The following FAM120C variants were observed in gnomAD, a reference collection of about 807,000 sequenced individuals.
FAM120C encodes constitutive coactivator of PPAR-gamma-like protein 2.
In FAM120C, 14 loss-of-function variants were observed where a neutral mutation model predicts 71.2. The observed-to-expected ratio is 0.20, with a 90% CI of 0.13 to 0.31. The LOEUF is 0.31. Among genes scored for constraint, FAM120C ranks in the 10% least tolerant of loss-of-function variants. FAM120C has a pLI of 1.00. For missense variants in FAM120C, 500 were observed against 879.0 expected (o/e 0.57, Z 5.45); for synonymous variants, 354 against 353.2 (o/e 1.00, Z -0.03).
At chrX:54,128,858 C>T (rs2067043199) in intron 9 of FAM120C, among the ~76,000 whole-genome samples, 1 of 111,206 alleles carries the variant, frequency 9.0e-6, no homozygotes, top group Admixed American at 9.5e-5. Flanking sequence ...TGAAAAGTCT[C>T]CCATGTCTAC....
chrX:54,111,966 C>G (rs1489060013), intron 10 of FAM120C, among the ~76,000 whole-genome samples: 1 of 112,164 alleles, frequency 8.9e-6, no homozygotes, highest in Non-Finnish European at 1.9e-5. Context: ...ATAGAGAACT[C>G]AGAAATAAAG....
intron 1 of FAM120C, among the ~76,000 whole-genome samples, chrX:54,176,468 T>C (rs1373990061): frequency 9.3e-6 from 1 of 107,575 alleles, no homozygotes; most frequent in Non-Finnish European, 1.9e-5. Context: ...TAATCTGTCA[T>C]AGGAGTAGAG....
intron 10 of FAM120C, among the ~76,000 whole-genome samples, chrX:54,093,766 C>G: frequency 8.9e-6 from 1 of 111,748 alleles, no homozygotes; most frequent in Middle Eastern, 4.6e-3. Context: ...GATGCTTCAT[C>G]ATGTGCGATT....
At chrX:54,100,479 C>A (rs1398516949) in intron 10 of FAM120C, among the ~76,000 whole-genome samples, 1 of 110,093 alleles carries the variant, frequency 9.1e-6, no homozygotes, top group African/African-American at 3.3e-5. Flanking sequence ...GGTGACAGAG[C>A]GAGACTCCAT....
At chrX:54,155,043 A>C (rs1479130582) in intron 3 of FAM120C, among the ~76,000 whole-genome samples, 1 of 110,712 alleles carries the variant, frequency 9.0e-6, no homozygotes, top group Non-Finnish European at 1.9e-5. Context: ...TCTACAAAAA[A>C]TACAAAAAAA....
At chrX:54,105,333 A>C (rs1391316761) in intron 10 of FAM120C, among the ~76,000 whole-genome samples, 1 of 111,838 alleles carries the variant, frequency 8.9e-6, no homozygotes, top group Non-Finnish European at 1.9e-5. Flanking sequence ...ATAGATGCAG[A>C]AAAGGCCTTC....
chrX:54,117,413 A>C (rs782253447), intron 9 of FAM120C, among the ~76,000 whole-genome samples: 10 of 90,781 alleles, frequency 1.1e-4, no homozygotes, highest in African/African-American at 3.8e-4. Flanking sequence ...ATAAAATAAA[A>C]TAAGGCCAGG....
intron 4 of FAM120C, among the ~76,000 whole-genome samples, chrX:54,138,210 G>A (rs1285626429): frequency 3.6e-5 from 4 of 111,602 alleles, no homozygotes; most frequent in Non-Finnish European, 7.5e-5. Flanking sequence ...ACACAAAAGA[G>A]TACACATAAA....
chrX:54,155,205 AAAAC>A (rs782445926), intron 3 of FAM120C, among the ~76,000 whole-genome samples: 1 of 111,560 alleles, frequency 9.0e-6, no homozygotes, highest in Non-Finnish European at 1.9e-5. Flanking sequence ...CCGTGTCTCA[AAAAC>A]AAACAAACAA....
intron 4 of FAM120C, among the ~76,000 whole-genome samples, chrX:54,137,280 G>A (rs1372511216): frequency 5.4e-5 from 6 of 111,195 alleles, no homozygotes; most frequent in Non-Finnish European, 1.1e-4. Context: ...GCTCAGGCTG[G>A]TTTTAAACTC....
rs1184754891 is a variant in FAM120C, at chrX:54,072,206, CTT to C, written c.*825_*826del. The C allele has an allele frequency of 9.9e-6, 1 of 101,476 alleles. No homozygotes were observed. Among genetic ancestry groups the C allele is most frequent in the Non-Finnish European group, 2.0e-5 (1 of 50,044 alleles). The allele number at this position is 101,476 out of a possible 1,213,427, so 8.4% of individuals were successfully genotyped here. On this transcript the variant is annotated 3_prime_UTR_variant, in exon 16 of 16. Transcript: ENST00000375180. Reference sequence around the variant, plus strand: ...ACACACACACACACACACACAGTCTCTTGAGTCCCTTTCGTACTCAAGTTCAT... The same window carrying C: ...ACACACACACACACACACACAGTCTCGAGTCCCTTTCGTACTCAAGTTCAT...
intron 4 of FAM120C, among the ~76,000 whole-genome samples, chrX:54,136,810 G>T (rs1008535948): frequency 9.0e-6 from 1 of 110,498 alleles, no homozygotes; most frequent in African/African-American, 3.3e-5. Flanking sequence ...ATTCTAAAAT[G>T]ATTACATGAT....
Position 54,183,160 on chromosome X carries a change from G to A in FAM120C, c.39C>T (p.Arg13=), listed in dbSNP as rs782648528. 9.4e-5 allele frequency: 107 copies of A among 1,144,233 alleles called. No individual in the cohort carries two copies. Among genetic ancestry groups the A allele is most frequent in the Non-Finnish European group, 1.2e-4 (106 of 863,814 alleles). The allele number at this position is 1,144,233 out of a possible 1,213,427, so 94.3% of individuals were successfully genotyped here. A position where few individuals can be genotyped will look rare whatever the true frequency, so the allele number is the denominator to read the frequency against. Residue 13 remains arginine (R), a synonymous_variant, in exon 1 of 16, where the codon CGC becomes CGT. Coordinates refer to ENST00000375180, the MANE Select transcript of FAM120C (RefSeq NM_017848.6). ...VQGFQEFLEK[R]CPGAVVPVDL... ...CCACGGGCACCACGGCCCCGGGACA[G>A]CGCTTCTCCAGGAACTCTTGGAAGC...
At position 54,071,702 on chromosome X, in the gene FAM120C, G is replaced by A. The variant is rs1557120050; in HGVS notation, c.*1331C>T. 3 of 111,658 alleles carry A rather than the reference G, an allele frequency of 2.7e-5. No individual in the cohort carries two copies. The Admixed American group carries it at 2.9e-4, about 11-fold the overall frequency. The allele number at this position is 111,658 out of a possible 1,213,427, so 9.2% of individuals were successfully genotyped here. ...CTGTTTTCACCATATGGGATGTGAG[G>A]GCTCTGTTCAAGATTAAGCTTGTAA... On this transcript the variant is annotated 3_prime_UTR_variant, in exon 16 of 16. Coordinates refer to ENST00000375180, the MANE Select transcript of FAM120C (RefSeq NM_017848.6).
intron 10 of FAM120C, among the ~76,000 whole-genome samples, chrX:54,091,976 G>A (rs969802411): frequency 1.8e-5 from 2 of 110,984 alleles, no homozygotes; most frequent in Admixed American, 1.9e-4. Flanking sequence ...TGGAAAGTGC[G>A]GTCATGAACC....
intron 1 of FAM120C, among the ~76,000 whole-genome samples, chrX:54,179,354 GA>G (rs2067335010): frequency 8.9e-6 from 1 of 111,942 alleles, no homozygotes; most frequent in Non-Finnish European, 1.9e-5. Context: ...CTAGCCTGAA[GA>G]ACAAAACCAA....
At chrX:54,141,387 A>G (rs1415095969) in intron 4 of FAM120C, among the ~76,000 whole-genome samples, 1 of 111,451 alleles carries the variant, frequency 9.0e-6, no homozygotes, top group African/African-American at 3.3e-5. Flanking sequence ...TAATGGACTA[A>G]AGAAGAAATA....
intron 10 of FAM120C, among the ~76,000 whole-genome samples, chrX:54,116,332 A>C (rs887894015): frequency 4.5e-5 from 5 of 111,307 alleles, no homozygotes; most frequent in Non-Finnish European, 7.5e-5. Flanking sequence ...AACTAAAACC[A>C]AATATAAAAG....
intron 1 of FAM120C, among the ~76,000 whole-genome samples, chrX:54,164,925 TTG>T (rs2067252596): frequency 8.9e-6 from 1 of 112,030 alleles, no homozygotes; most frequent in Admixed American, 9.5e-5. Flanking sequence ...ACTTATTTTT[TTG>T]TGTGTTTTTT....
Sources: allele counts gnomAD v4.1 joint callset (sites outside exome capture counted in the v4.1 genomes callset), GRCh38; gene constraint gnomAD v4.1.1; transcripts MANE v1.5; gene names NCBI Gene and HGNC (gene_info 2026-07-23, HGNC 2026-07-21).